The following PCBP3 variants were observed in gnomAD, a reference collection of about 807,000 sequenced individuals.
PCBP3 encodes the protein poly(rC) binding protein 3.
In PCBP3, 25 loss-of-function variants were observed where a neutral mutation model predicts 52.7. The observed-to-expected ratio is 0.47, with a 90% CI of 0.35 to 0.66. The LOEUF (loss-of-function observed/expected upper bound fraction) is 0.66, where lower values mean the gene tolerates loss of function less well. Among genes scored for constraint, PCBP3 ranks in the 30% least tolerant of loss-of-function variants. PCBP3 has a pLI of 0.01. For missense variants in PCBP3, 391 were observed against 490.3 expected, an observed-to-expected ratio of 0.80 and a Z score of 1.91; for synonymous variants, 162 against 183.0, an observed-to-expected ratio of 0.89 and a Z score of 0.93.
chr21:45,738,571 C>T (rs1172222136), intron 3 of PCBP3, among the ~76,000 whole-genome samples: 1 of 152,104 alleles, frequency 6.6e-6, no homozygotes, highest in East Asian at 1.9e-4. Flanking sequence ...TTTTGCTTTC[C>T]GTAAGATAAC....
chr21:45,803,944 A>G (rs1184142010), intron 4 of PCBP3, among the ~76,000 whole-genome samples: 1 of 152,098 alleles, frequency 6.6e-6, no homozygotes, highest in Non-Finnish European at 1.5e-5. Flanking sequence ...CCTCGCTGAG[A>G]TGAAGGACGC....
chr21:45,783,571 G>GGCACAGC (rs1449021333), intron 4 of PCBP3, among the ~76,000 whole-genome samples: 2 of 152,186 alleles, frequency 1.3e-5, no homozygotes, highest in African/African-American at 4.8e-5. Flanking sequence ...GCCTCCCAGA[G>GGCACAGC]GCACAGCGCA....
chr21:45,667,283 C>T (rs1237275464), intron 1 of PCBP3, among the ~76,000 whole-genome samples: 2 of 151,890 alleles, frequency 1.3e-5, no homozygotes, highest in Admixed American at 1.3e-4. Context: ...GTTGGGATTA[C>T]AGGTGTGAGC....
chr21:45,695,933 G>T (rs537898318), intron 2 of PCBP3, among the ~76,000 whole-genome samples: 3 of 151,980 alleles, frequency 2.0e-5, no homozygotes, highest in African/African-American at 7.2e-5. Context: ...ACAAAAATTA[G>T]CCTGACGTGG....
intron 4 of PCBP3, among the ~76,000 whole-genome samples, chr21:45,835,910 G>C (rs1179438850): frequency 1.3e-5 from 2 of 151,364 alleles, no homozygotes; most frequent in Non-Finnish European, 2.9e-5. Context: ...CCCAGGCCTG[G>C]CGGGGTCTGG....
At chr21:45,910,814 G>C (rs989337097) in intron 10 of PCBP3, 88 bp from the exon 11 acceptor site, 2 of 1,349,768 alleles carry the variant, frequency 1.5e-6, no homozygotes, top group East Asian at 4.7e-5. Flanking sequence ...AGTGTCCCCC[G>C]AGCTGCCTTG....
chr21:45,744,099 G>A (rs1449223729), intron 3 of PCBP3: 1 of 148,560 alleles, frequency 6.7e-6, no homozygotes. Flanking sequence ...AGGTATATAG[G>A]TAAAAATGTG....
Position 45,821,450 on chromosome 21 carries a change from T to C in PCBP3, c.-125-28511T>C, listed in dbSNP as rs1312459637. Among the ~76,000 whole-genome samples the C allele has an allele frequency of 2.5e-5, 2 of 79,790 alleles. No homozygotes were observed. Among genetic ancestry groups the C allele is most frequent in the African/African-American group, 5.0e-5 (1 of 19,870 alleles). 52.3% of individuals were successfully genotyped at this position (79,790 alleles called of 152,430 possible). On this transcript the variant is annotated intron_variant, in intron 4 of 17. Transcript: ENST00000681687. This position sits in a 1 kb window ranked among gnomAD's most constrained non-coding sequence, Gnocchi z 4.4. ...TGCACCGTGCTGTGGGCCCCGCACCTTCCCCCAACTCTTTTCTAGAACACT... is the reference window on the plus strand; with the variant it reads ...TGCACCGTGCTGTGGGCCCCGCACCCTCCCCCAACTCTTTTCTAGAACACT...
intron 5 of PCBP3, among the ~76,000 whole-genome samples, chr21:45,864,611 G>A (rs1018543598): frequency 6.6e-6 from 1 of 152,192 alleles, no homozygotes. Flanking sequence ...CAGTGTCTGT[G>A]TGGTGTGTCG....
chr21:45,807,893 G>A (rs2092560324), intron 4 of PCBP3, among the ~76,000 whole-genome samples: 1 of 152,062 alleles, frequency 6.6e-6, no homozygotes, highest in South Asian at 2.1e-4. Flanking sequence ...TATAATGCCA[G>A]ACATCCACAA....
chr21:45,835,950 G>A (rs531878593), intron 4 of PCBP3, among the ~76,000 whole-genome samples: 1 of 152,298 alleles, frequency 6.6e-6, no homozygotes, highest in South Asian at 2.1e-4. Flanking sequence ...AGCTGTGGCC[G>A]CAGGCATGGT....
At position 45,680,097 on chromosome 21, in the gene PCBP3, C is replaced by T. The variant is rs190219678; in HGVS notation, c.-200+11145C>T. 5.9e-5 allele frequency among the ~76,000 whole-genome samples: 9 copies of T among 152,346 alleles called. No individual in the cohort carries two copies. In the East Asian group the frequency reaches 1.7e-3, roughly 29 times the overall value. ...TCGTTCCATTGATTGCCATGTCCAT[C>T]CTTCTGACAATGTCACATAATCTTG... On this transcript the variant is annotated intron_variant, in intron 2 of 17. Coordinates refer to ENST00000681687, the MANE Select transcript of PCBP3 (RefSeq NM_001384156.1).
At chr21:45,868,640 C>T (rs1435194247) in intron 5 of PCBP3, among the ~76,000 whole-genome samples, 2 of 152,182 alleles carry the variant, frequency 1.3e-5, no homozygotes, top group East Asian at 1.9e-4. Context: ...GGCATTTCTG[C>T]GAGCCTGTCC....
intron 4 of PCBP3, among the ~76,000 whole-genome samples, chr21:45,811,667 T>C (rs2092690515): frequency 6.6e-6 from 1 of 152,276 alleles, no homozygotes; most frequent in East Asian, 1.9e-4. Flanking sequence ...TGTCTGGTAT[T>C]GAGACATGTT....
intron 1 of PCBP3, among the ~76,000 whole-genome samples, chr21:45,650,786 C>G (rs2079627020): frequency 6.6e-6 from 1 of 152,090 alleles, no homozygotes; most frequent in Non-Finnish European, 1.5e-5. Context: ...CTTAAATGGT[C>G]TGGATCTGGA....
At chr21:45,876,924 G>A (rs1038417391) in intron 5 of PCBP3, among the ~76,000 whole-genome samples, 1 of 152,226 alleles carries the variant, frequency 6.6e-6, no homozygotes, top group African/African-American at 2.4e-5. Flanking sequence ...CGCTTTGCTG[G>A]CAAGGCTTCT....
chr21:45,771,580 A>G (rs1465498767), intron 4 of PCBP3, among the ~76,000 whole-genome samples: 1 of 152,234 alleles, frequency 6.6e-6, no homozygotes, highest in Non-Finnish European at 1.5e-5. Flanking sequence ...TCAGATACAA[A>G]CGTTCAAGAA....
At position 45,830,544 on chromosome 21, in the gene PCBP3, C is replaced by T. The variant is rs1323783856; in HGVS notation, c.-125-19417C>T. The T allele has an allele frequency of 6.6e-6, 1 of 152,378 alleles. No individual in the cohort carries two copies. Among genetic ancestry groups the T allele is most frequent in the East Asian group, 1.9e-4 (1 of 5,172 alleles). The allele number at this position is 152,378 out of a possible 1,614,324, so 9.4% of individuals were successfully genotyped here. ...GGGTGTGTGCGCATGCTCAGCACAG[C>T]CTAGGGCAGGGCTTCTAGTGCAGGC... On this transcript the variant is annotated intron_variant, in intron 4 of 17. Transcript: ENST00000681687. This position sits in a 1 kb window ranked among gnomAD's most constrained non-coding sequence, Gnocchi z 4.4.
chr21:45,846,126 G>A (rs1381558068), intron 4 of PCBP3, among the ~76,000 whole-genome samples: 1 of 152,216 alleles, frequency 6.6e-6, no homozygotes, highest in African/African-American at 2.4e-5. Flanking sequence ...GCGGGTCACT[G>A]CAGGAATGTG....
Sources: allele counts gnomAD v4.1 joint callset (sites outside exome capture counted in the v4.1 genomes callset), GRCh38; gene constraint gnomAD v4.1.1; non-coding constraint Gnocchi (gnomAD v3.1); transcripts MANE v1.5; gene names NCBI Gene and HGNC (gene_info 2026-07-23, HGNC 2026-07-21).